Variants in MAST2 observed in about 807,000 individuals in gnomAD.
MAST2 encodes microtubule associated serine/threonine kinase 2, also known as microtubule-associated serine/threonine-protein kinase 2.
A neutral mutation model predicts 147.4 loss-of-function variants in MAST2; 70 were observed. The observed-to-expected ratio is 0.47, with a 90% CI of 0.39 to 0.58. The LOEUF is 0.58. MAST2 is among the 20% of genes least tolerant of loss of function. The pLI is 0.00. For missense variants in MAST2, 2,080 were observed against 2,302.3 expected (o/e 0.90, Z 1.98); for synonymous variants, 869 against 896.8 (o/e 0.97, Z 0.55).
At chr1:45,967,047 TGTAA>T (rs926164951) in intron 5 of MAST2, among the ~76,000 whole-genome samples, 1 of 151,862 alleles carries the variant, frequency 6.6e-6, no homozygotes, top group African/African-American at 2.4e-5. Flanking sequence ...GGCTCACACT[TGTAA>T]TCCCAGCACT....
chr1:46,033,868 C>A lies in MAST2; in HGVS notation c.3604C>A (p.Arg1202=), dbSNP rs1375138777. ...CACATCCATTAAAGTGGGGCCAGCTCGGAAGGGCAGCTACAAGGCCAAGAT... is the reference window on the plus strand; with the variant it reads ...CACATCCATTAAAGTGGGGCCAGCTAGGAAGGGCAGCTACAAGGCCAAGAT... ...ENTSIKVGPA[R]KGSYKAKMAR... The change falls in exon 27 of 29, where the codon CGG becomes AGG. Residue 1202 remains arginine (R), a synonymous_variant. Transcript: ENST00000361297. The A allele has an allele frequency of 3.7e-6, 6 of 1,614,048 alleles. No individual in the cohort carries two copies. The African/African-American group carries it at 5.3e-5, about 14-fold the overall frequency.
chr1:46,028,550 C>G (rs183953371), intron 17 of MAST2, among the ~76,000 whole-genome samples: 62 of 152,284 alleles, frequency 4.1e-4, no homozygotes, highest in South Asian at 2.3e-3. Context: ...GATGGTAGTT[C>G]CGGGCTAGAA....
At chr1:45,860,665 C>G (rs1225262816) in intron 3 of MAST2, among the ~76,000 whole-genome samples, 2 of 151,956 alleles carry the variant, frequency 1.3e-5, no homozygotes, top group African/African-American at 4.8e-5. Context: ...AACCCCATCT[C>G]TACTAAAAAT....
intron 3 of MAST2, among the ~76,000 whole-genome samples, chr1:45,848,554 T>A (rs1322967885): frequency 1.2e-4 from 19 of 152,202 alleles, no homozygotes; most frequent in Non-Finnish European, 4.4e-5. Flanking sequence ...GAGCGAACTC[T>A]GGGAAGCTTG....
At chr1:45,828,331 A>G (rs923223433) in intron 2 of MAST2, among the ~76,000 whole-genome samples, 21 of 152,326 alleles carry the variant, frequency 1.4e-4, no homozygotes, top group Non-Finnish European at 2.5e-4. Flanking sequence ...AGGATTTTCA[A>G]GTGAGTTGAG....
chr1:45,919,210 T>C (rs946855622), intron 4 of MAST2, among the ~76,000 whole-genome samples: 35 of 152,122 alleles, frequency 2.3e-4, no homozygotes, highest in African/African-American at 7.0e-4. Flanking sequence ...ATGATTCAGA[T>C]AAGAAGTGGT....
rs1570206375 is a variant in MAST2 at position 45,818,241 on chromosome 1, A to G, written c.178-6192A>G. On this transcript the variant is annotated intron_variant, in intron 1 of 28. Transcript: ENST00000361297. ...TAAGATTGCTGAGCATACTTCTCAG[A>G]TGTTATGCTTTCACTGGGGTTCAGA... Among the ~76,000 whole-genome samples the G allele has an allele frequency of 4.6e-5, 7 of 152,250 alleles. No homozygotes were observed. The South Asian group carries it at 1.0e-3, about 23-fold the overall frequency.
At position 45,824,446 on chromosome 1, in the gene MAST2, G is replaced by T. The variant is rs2148706518; in HGVS notation, c.191G>T (p.Gly64Val). The part of the protein sequence containing the change: ...PEGKEQDVVT[G>V]VSPLLFRKLS... ...TTCTCTTTGAAGGATGTAGTAACTG[G>T]AGTTAGTCCCCTGCTCTTCAGGAAA... The change falls in exon 2 of 29, where the codon GGA (glycine) becomes GTA (valine). Residue 64 changes from glycine (G) to valine (V), a missense_variant. Around this residue, in one of 4 missense-constraint regions of MAST2, gnomAD observed 569 missense variants for 642.5 expected, o/e 0.89. Coordinates refer to ENST00000361297, the MANE Select transcript of MAST2 (RefSeq NM_015112.3). The T allele has an allele frequency of 4.4e-6, 7 of 1,606,466 alleles. No individual in the cohort carries two copies. In the Middle Eastern group the frequency reaches 5.0e-4, roughly 114 times the overall value.
intron 4 of MAST2, among the ~76,000 whole-genome samples, chr1:45,943,969 A>T (rs1286793101): frequency 2.0e-5 from 3 of 152,168 alleles, no homozygotes; most frequent in African/African-American, 7.2e-5. Flanking sequence ...AATTCTGAGG[A>T]TGTCCTGCTC....
chr1:45,876,959 A>G (rs1464768889), intron 3 of MAST2, among the ~76,000 whole-genome samples: 1 of 152,236 alleles, frequency 6.6e-6, no homozygotes, highest in Non-Finnish European at 1.5e-5. Flanking sequence ...TGTCATGTAG[A>G]TTCAAAGAAC....
chr1:45,974,660 A>G (rs1056525720), intron 5 of MAST2, among the ~76,000 whole-genome samples: 1 of 152,158 alleles, frequency 6.6e-6, no homozygotes, highest in Non-Finnish European at 1.5e-5. Flanking sequence ...CTGAAGAGAG[A>G]GGATAAAGTA....
intron 4 of MAST2, among the ~76,000 whole-genome samples, chr1:45,928,372 A>T (rs1164459243): frequency 6.6e-6 from 1 of 152,142 alleles, no homozygotes; most frequent in Non-Finnish European, 1.5e-5. Flanking sequence ...TTTTTTTTGC[A>T]GTTGGTTTTT....
chr1:45,878,682 A>T (rs745588494), intron 3 of MAST2, among the ~76,000 whole-genome samples: 3 of 152,146 alleles, frequency 2.0e-5, no homozygotes, highest in Non-Finnish European at 4.4e-5. Flanking sequence ...ATAAAAATTA[A>T]TTGAATTTCT....
chr1:45,922,422 G>A (rs1007436468), intron 4 of MAST2, among the ~76,000 whole-genome samples: 2 of 152,174 alleles, frequency 1.3e-5, no homozygotes, highest in Admixed American at 6.5e-5. Context: ...CCAGCACTGG[G>A]CTGTCCTCAG....
intron 5 of MAST2, among the ~76,000 whole-genome samples, chr1:45,983,990 G>A (rs1380642851): frequency 6.6e-6 from 1 of 152,194 alleles, no homozygotes; most frequent in Non-Finnish European, 1.5e-5. Context: ...CCATCTATAT[G>A]TGATTTTGGT....
intron 10 of MAST2, among the ~76,000 whole-genome samples, chr1:46,018,610 A>T (rs1646054954): frequency 6.6e-6 from 1 of 152,086 alleles, no homozygotes; most frequent in African/African-American, 2.4e-5. Flanking sequence ...CTCTATTTCC[A>T]TGGTAGGTAT....
At chr1:45,900,994 C>G (rs1435520196) in intron 4 of MAST2, among the ~76,000 whole-genome samples, 1 of 151,986 alleles carries the variant, frequency 6.6e-6, no homozygotes, top group Non-Finnish European at 1.5e-5. Context: ...TACAGAAGCT[C>G]TTTAGTTTAA....
At chr1:45,873,146 G>A (rs1453797015) in intron 3 of MAST2, among the ~76,000 whole-genome samples, 3 of 151,624 alleles carry the variant, frequency 2.0e-5, no homozygotes, top group Middle Eastern at 3.5e-3. Flanking sequence ...TTAGAGCTTC[G>A]CTACTGGTGG....
At chr1:45,939,577 G>A (rs1470569146) in intron 4 of MAST2, among the ~76,000 whole-genome samples, 4 of 152,000 alleles carry the variant, frequency 2.6e-5, no homozygotes, top group Non-Finnish European at 4.4e-5. Flanking sequence ...GTCTTGCTTG[G>A]TAGCCCAGGC....
Sources: allele counts gnomAD v4.1 joint callset (sites outside exome capture counted in the v4.1 genomes callset), GRCh38; gene constraint gnomAD v4.1.1; regional missense constraint gnomAD v4.1.1; transcripts MANE v1.5; gene names NCBI Gene and HGNC (gene_info 2026-07-23, HGNC 2026-07-21).